The following VWA8 variants were observed in gnomAD, a reference collection of about 807,000 sequenced individuals.
VWA8 encodes von Willebrand factor A domain containing 8.
A neutral mutation model predicts 241.5 loss-of-function variants in VWA8; 221 were observed. That is an observed-to-expected ratio of 0.91 (90% CI 0.82 to 1.02). The LOEUF (loss-of-function observed/expected upper bound fraction) is 1.02, where lower values mean the gene tolerates loss of function less well. Among genes scored for constraint, VWA8 ranks in the 50% least tolerant of loss-of-function variants. The pLI is 0.00. For missense variants in VWA8, 2,322 were observed against 2,328.7 expected, an observed-to-expected ratio of 1.00 and a Z score of 0.06; for synonymous variants, 852 against 827.1, an observed-to-expected ratio of 1.03 and a Z score of -0.52.
intron 5 of VWA8, among the ~76,000 whole-genome samples, chr13:41,890,437 C>T (rs1473299249): frequency 6.6e-6 from 1 of 152,252 alleles, no homozygotes. Flanking sequence ...CATGGTACAG[C>T]TTGAGCTGGA....
At chr13:41,621,392 T>C (rs1469193476) in intron 37 of VWA8, among the ~76,000 whole-genome samples, 1 of 152,172 alleles carries the variant, frequency 6.6e-6, no homozygotes, top group Non-Finnish European at 1.5e-5. Context: ...GTAAGCCCGT[T>C]GTAAGTCAAG....
chr13:41,776,332 A>T (rs1868591848), intron 20 of VWA8, among the ~76,000 whole-genome samples: 1 of 152,212 alleles, frequency 6.6e-6, no homozygotes, highest in African/African-American at 2.4e-5. Flanking sequence ...ACTTTGGGCT[A>T]TATACAACCT....
At chr13:41,951,545 G>A (rs1439875327) in intron 1 of VWA8, among the ~76,000 whole-genome samples, 4 of 152,270 alleles carry the variant, frequency 2.6e-5, no homozygotes, top group East Asian at 1.9e-4. Context: ...TTCTAAAGCC[G>A]AGGACTAAAC....
At chr13:41,894,120 G>A (rs552068550) in intron 4 of VWA8, among the ~76,000 whole-genome samples, 2 of 152,258 alleles carry the variant, frequency 1.3e-5, no homozygotes, top group South Asian at 4.1e-4. Context: ...CATTCTTTGA[G>A]ATAAAACTAG....
intron 37 of VWA8, among the ~76,000 whole-genome samples, chr13:41,651,814 G>A (rs2044871312): frequency 6.6e-6 from 1 of 152,086 alleles, no homozygotes; most frequent in African/African-American, 2.4e-5. Flanking sequence ...GACTCTTCTA[G>A]AGCTTGTAAG....
At chr13:41,890,916 T>G (rs1874805188) in intron 5 of VWA8, among the ~76,000 whole-genome samples, 1 of 152,166 alleles carries the variant, frequency 6.6e-6, no homozygotes, top group Admixed American at 6.5e-5. Flanking sequence ...TACAGCAACC[T>G]CGGCATGTGA....
At chr13:41,671,726 T>A (rs1210926987) in intron 36 of VWA8, among the ~76,000 whole-genome samples, 2 of 152,032 alleles carry the variant, frequency 1.3e-5, no homozygotes, top group African/African-American at 4.8e-5. Context: ...ATGTGGTCTC[T>A]GCCTGTTTCC....
intron 12 of VWA8, among the ~76,000 whole-genome samples, chr13:41,847,057 C>A (rs1806492085): frequency 6.6e-6 from 1 of 152,028 alleles, no homozygotes; most frequent in South Asian, 2.1e-4. Context: ...AAAATTTCCA[C>A]AATTTATTCA....
Position 41,701,414 on chromosome 13 carries a change from G to T in VWA8, c.3342C>A (p.Ile1114=). ...WRIPLDEINI[I]CDIATSHENE... is the part of the protein sequence containing the mutation. Reference sequence around the variant, plus strand: ...TACCATGTGATGTAGCAATGTCACAGATTATATTAATTTCATCCAATGGTA... The same window carrying T: ...TACCATGTGATGTAGCAATGTCACATATTATATTAATTTCATCCAATGGTA... The change falls in exon 28 of 45, where the codon ATC becomes ATA. Residue 1114 remains isoleucine (I), a synonymous_variant. Transcript: ENST00000379310. The T allele has an allele frequency of 6.2e-7, 1 of 1,607,418 alleles. No individual in the cohort carries two copies. Among genetic ancestry groups the T allele is most frequent in the South Asian group, 1.1e-5 (1 of 89,322 alleles).
rs1254886968 is a variant in VWA8 at position 41,947,947 on chromosome 13, AAAAAAACAAAAC to A, written c.241+1977_241+1988del. ...ACCCTGTCTCAAAAAAAAAAAAAAA[AAAAAAACAAAAC>A]AAAACATTTTGGTAATTCCTTGAAA... On this transcript the variant is annotated intron_variant, in intron 2 of 44. Transcript: ENST00000379310. Among the ~76,000 whole-genome samples the A allele has an allele frequency of 9.4e-5, 14 of 149,058 alleles. 2 individuals carry two copies. The highest frequency in any genetic ancestry group is 4.3e-4 in the South Asian group (2 of 4,630).
intron 37 of VWA8, among the ~76,000 whole-genome samples, chr13:41,657,673 T>C (rs2139692607): frequency 6.6e-6 from 1 of 151,902 alleles, no homozygotes; most frequent in South Asian, 2.1e-4. Flanking sequence ...GTATTTTTAG[T>C]AGAGACGGGG....
intron 1 of VWA8, among the ~76,000 whole-genome samples, chr13:41,954,281 T>C (rs77137135): frequency 2.5e-4 from 38 of 152,260 alleles, no homozygotes; most frequent in African/African-American, 8.9e-4. Context: ...CTGAGTTTCA[T>C]ACCTGCCAGT....
At chr13:41,738,230 G>C (rs2045540602) in intron 21 of VWA8, among the ~76,000 whole-genome samples, 1 of 151,930 alleles carries the variant, frequency 6.6e-6, no homozygotes, top group Admixed American at 6.6e-5. Flanking sequence ...TTATTTTGTT[G>C]GACTGTTTAT....
At chr13:41,810,944 T>C (rs934196192) in intron 17 of VWA8, among the ~76,000 whole-genome samples, 2 of 152,042 alleles carry the variant, frequency 1.3e-5, no homozygotes, top group African/African-American at 4.8e-5. Context: ...TATTTTATTT[T>C]TAATAAATAA....
At chr13:41,760,177 T>C (rs1447076700) in intron 21 of VWA8, among the ~76,000 whole-genome samples, 1 of 151,786 alleles carries the variant, frequency 6.6e-6, no homozygotes, top group Non-Finnish European at 1.5e-5. Flanking sequence ...TTTCTTTTCC[T>C]AGTGTTTGTG....
At chr13:41,646,190 T>A (rs913846098) in intron 37 of VWA8, among the ~76,000 whole-genome samples, 8 of 152,186 alleles carry the variant, frequency 5.3e-5, no homozygotes, top group African/African-American at 1.9e-4. Flanking sequence ...GGTCTAGAAC[T>A]CCTGACCTCA....
intron 4 of VWA8, among the ~76,000 whole-genome samples, chr13:41,896,512 A>G (rs1396498532): frequency 1.3e-5 from 2 of 152,108 alleles, no homozygotes; most frequent in Non-Finnish European, 2.9e-5. Context: ...AGCAAAAAAT[A>G]TCTCAAACTA....
intron 17 of VWA8, among the ~76,000 whole-genome samples, chr13:41,790,276 A>G (rs1233106233): frequency 2.6e-5 from 4 of 152,154 alleles, no homozygotes; most frequent in African/African-American, 9.6e-5. Flanking sequence ...CACCAACAAT[A>G]ATCTTCTAGT....
intron 37 of VWA8, among the ~76,000 whole-genome samples, chr13:41,639,271 T>TG (rs1004160990): frequency 2.6e-5 from 4 of 151,718 alleles, no homozygotes; most frequent in African/African-American, 7.3e-5. Context: ...TAGATAGATG[T>TG]GAAAAAAAAG....
Sources: gnomAD v4.1 joint callset for allele counts (sites outside exome capture counted in the v4.1 genomes callset) on GRCh38, gnomAD v4.1.1 for gene constraint, MANE v1.5 for transcripts, NCBI Gene and HGNC (gene_info 2026-07-23, HGNC 2026-07-21) for gene names.